Variants in SLC9A9 observed in about 807,000 individuals in gnomAD.
The protein encoded by SLC9A9 is sodium/hydrogen exchanger 9.
SLC9A9 carries 62 observed loss-of-function variants against 77.8 expected under a neutral mutation model. The ratio of observed to expected loss-of-function variants is 0.80; its 90% CI spans 0.65 to 0.98. The LOEUF (loss-of-function observed/expected upper bound fraction) is 0.98. Ranked by LOEUF, SLC9A9 falls within the 50% of genes least tolerant of loss-of-function variation. SLC9A9 has a pLI of 0.00. For synonymous variants in SLC9A9, 320 were observed against 283.5 expected, an observed-to-expected ratio of 1.13 and a Z score of -1.29; for missense variants, 775 against 774.9, an observed-to-expected ratio of 1.00 and a Z score of 0.00.
chr3:143,555,695 A>T (rs1339858411), intron 8 of SLC9A9, among the ~76,000 whole-genome samples: 1 of 152,236 alleles, frequency 6.6e-6, no homozygotes. Context: ...GATTTTACGA[A>T]AAAGATTACA....
chr3:143,590,509 C>A (rs2037628344), intron 6 of SLC9A9, among the ~76,000 whole-genome samples: 1 of 152,126 alleles, frequency 6.6e-6, no homozygotes, highest in Non-Finnish European at 1.5e-5. Context: ...AGAGTTTGAT[C>A]AAATATTGAA....
chr3:143,773,488 C>CT (rs869188697), intron 4 of SLC9A9, among the ~76,000 whole-genome samples: 4,191 of 141,444 alleles, frequency 0.03, 160 homozygotes, highest in African/African-American at 0.092. Flanking sequence ...TTTACTTTTT[C>CT]TTTTTTTTTT....
chr3:143,291,954 C>T (rs2030003412), intron 14 of SLC9A9, among the ~76,000 whole-genome samples: 1 of 152,342 alleles, frequency 6.6e-6, no homozygotes, highest in South Asian at 2.1e-4. Flanking sequence ...CACCCTACAC[C>T]TCTGCTCTAA....
intron 12 of SLC9A9, among the ~76,000 whole-genome samples, chr3:143,425,223 G>C (rs1259043684): frequency 6.8e-6 from 1 of 147,172 alleles, no homozygotes; most frequent in East Asian, 2.0e-4. Context: ...ATAATCATTT[G>C]GTGTACACTT....
chr3:143,506,821 C>T (rs555064268), intron 9 of SLC9A9, among the ~76,000 whole-genome samples: 9 of 152,126 alleles, frequency 5.9e-5, no homozygotes, highest in Non-Finnish European at 1.3e-4. Flanking sequence ...CAATTAGTTT[C>T]TCTGTGGTTT....
intron 14 of SLC9A9, among the ~76,000 whole-genome samples, chr3:143,317,011 C>T (rs1270316116): frequency 6.6e-6 from 1 of 152,064 alleles, no homozygotes; most frequent in Non-Finnish European, 1.5e-5. Flanking sequence ...TAAGTTAATA[C>T]TCCCAAAGTG....
chr3:143,658,956 A>G (rs2038938487), intron 5 of SLC9A9, among the ~76,000 whole-genome samples: 1 of 152,222 alleles, frequency 6.6e-6, no homozygotes, highest in African/African-American at 2.4e-5. Flanking sequence ...TACCTACATC[A>G]GAGATATTCT....
At chr3:143,643,408 C>A (rs1211084910) in intron 6 of SLC9A9, among the ~76,000 whole-genome samples, 2 of 152,224 alleles carry the variant, frequency 1.3e-5, no homozygotes, top group Admixed American at 1.3e-4. Context: ...TTTGAAATTG[C>A]AGGCCCTATT....
In SLC9A9 at chr3:143,652,247, G is replaced by C; in HGVS notation, c.755+8C>G. On this transcript the variant is annotated splice_region_variant and intron_variant, in intron 6 of 15. Transcript: ENST00000316549. ...TTAAAGAAACATAGGCCAAGTTCTG[G>C]TACTTACTATGTAAGGACTATGGCC... 6.2e-7 allele frequency: 1 copy of C among 1,601,492 alleles called. No homozygotes were observed. Among genetic ancestry groups the C allele is most frequent in the Non-Finnish European group, 8.5e-7 (1 of 1,169,854 alleles).
At chr3:143,687,597 T>C (rs531279978) in intron 5 of SLC9A9, among the ~76,000 whole-genome samples, 1 of 152,132 alleles carries the variant, frequency 6.6e-6, no homozygotes, top group African/African-American at 2.4e-5. Context: ...TCGGGTTGAC[T>C]TTCATTTTCC....
chr3:143,467,181 C>T lies in SLC9A9; in HGVS notation c.1325G>A (p.Gly442Glu), dbSNP rs2035296071. ...AATAGCTAAGGCAAATGCGATCGCTCCTCGCAAACCTTGCAGGAAAAACCA... is the reference window on the plus strand; with the variant it reads ...AATAGCTAAGGCAAATGCGATCGCTTCTCGCAAACCTTGCAGGAAAAACCA... Reference protein sequence around the residue: ...QHMMMFSGLRGAIAFALAIRN... With the variant: ...QHMMMFSGLREAIAFALAIRN... The change falls in exon 12 of 16, where the codon GGA becomes GAA. Residue 442 changes from glycine (G) to glutamate (E), a missense_variant. Physicochemically the swap from Gly to Glu is moderately conservative, Grantham distance 98. Coordinates refer to ENST00000316549, the MANE Select transcript of SLC9A9 (RefSeq NM_173653.4). 3.7e-6 allele frequency: 6 copies of T among 1,614,146 alleles called. No individual in the cohort carries two copies. Among genetic ancestry groups the T allele is most frequent in the Non-Finnish European group, 3.4e-6 (4 of 1,180,002 alleles).
chr3:143,624,115 A>C (rs952081718), intron 6 of SLC9A9, among the ~76,000 whole-genome samples: 1 of 152,244 alleles, frequency 6.6e-6, no homozygotes, highest in Non-Finnish European at 1.5e-5. Flanking sequence ...AAATTGAGGC[A>C]ATAATTAATA....
intron 4 of SLC9A9, among the ~76,000 whole-genome samples, chr3:143,790,149 TTC>T (rs908481215): frequency 6.6e-6 from 1 of 152,164 alleles, no homozygotes; most frequent in South Asian, 2.1e-4. Context: ...TTCGCTCTCA[TTC>T]TCTCTCTTGC....
chr3:143,791,980 G>GT (rs1036383628), intron 4 of SLC9A9, among the ~76,000 whole-genome samples: 1 of 152,134 alleles, frequency 6.6e-6, no homozygotes, highest in Admixed American at 6.5e-5. Context: ...AGTAAAGCAC[G>GT]TTTTTGGCAT....
chr3:143,327,192 G>C (rs982073241), intron 14 of SLC9A9, among the ~76,000 whole-genome samples: 2 of 152,056 alleles, frequency 1.3e-5, no homozygotes, highest in Admixed American at 6.5e-5. Context: ...CTCCAAAAAT[G>C]GTGAATGATA....
chr3:143,460,331 G>C (rs2035168193), intron 12 of SLC9A9, among the ~76,000 whole-genome samples: 1 of 152,086 alleles, frequency 6.6e-6, no homozygotes, highest in Non-Finnish European at 1.5e-5. Context: ...GAGAGAAAGT[G>C]GGTGGAGTAA....
chr3:143,643,339 C>T (rs1306588959), intron 6 of SLC9A9, among the ~76,000 whole-genome samples: 1 of 152,174 alleles, frequency 6.6e-6, no homozygotes, highest in East Asian at 1.9e-4. Flanking sequence ...AGATAGATGG[C>T]AAGTTTCGTT....
At chr3:143,483,222 G>A (rs1413867614) in intron 11 of SLC9A9, among the ~76,000 whole-genome samples, 4 of 152,310 alleles carry the variant, frequency 2.6e-5, no homozygotes, top group Middle Eastern at 3.4e-3. Flanking sequence ...AATCAGGTGG[G>A]ATTCATGCCA....
chr3:143,523,179 C>T (rs1271149321), intron 9 of SLC9A9, among the ~76,000 whole-genome samples: 3 of 152,078 alleles, frequency 2.0e-5, no homozygotes, highest in Non-Finnish European at 4.4e-5. Flanking sequence ...TTGGGAGTGA[C>T]TAACAAAAGG....
Sources: allele counts gnomAD v4.1 joint callset (sites outside exome capture counted in the v4.1 genomes callset), GRCh38; gene constraint gnomAD v4.1.1; transcripts MANE v1.5; gene names NCBI Gene and HGNC (gene_info 2026-07-23, HGNC 2026-07-21).